Variants in KAZN observed in about 807,000 individuals in gnomAD.
KAZN encodes kazrin, periplakin interacting protein, also known as kazrin.
KAZN carries 40 observed loss-of-function variants against 87.4 expected under a neutral mutation model. That is an observed-to-expected ratio of 0.46 (90% confidence interval 0.36 to 0.60). The LOEUF (loss-of-function observed/expected upper bound fraction) is 0.60. Ranked by LOEUF, KAZN falls within the 20% of genes least tolerant of loss-of-function variation. The pLI, the probability that KAZN is intolerant of heterozygous loss-of-function variation, is 0.00. For missense variants in KAZN, 898 were observed against 1,073.9 expected (o/e 0.84, Z 2.29); for synonymous variants, 466 against 458.3 (o/e 1.02, Z -0.22).
chr1:14,329,360 A>G (rs910153371), intron 2 of KAZN, among the ~76,000 whole-genome samples: 1 of 152,204 alleles, frequency 6.6e-6, no homozygotes, highest in African/African-American at 2.4e-5. Context: ...ACATAAACAG[A>G]GAGTGTGGGC....
chr1:14,728,434 G>A (rs1643522199), intron 1 of KAZN, among the ~76,000 whole-genome samples: 1 of 151,934 alleles, frequency 6.6e-6, no homozygotes, highest in Non-Finnish European at 1.5e-5. Context: ...CTCACCTCCT[G>A]CTGCCCAGTT....
At chr1:14,157,859 T>A (rs1645628283) in intron 1 of KAZN, among the ~76,000 whole-genome samples, 1 of 152,124 alleles carries the variant, frequency 6.6e-6, no homozygotes, top group Non-Finnish European at 1.5e-5. Context: ...GCAAGGCATG[T>A]CTTACATGGC....
chr1:14,740,217 G>A (rs568336285), intron 1 of KAZN, among the ~76,000 whole-genome samples: 2 of 152,172 alleles, frequency 1.3e-5, no homozygotes, highest in Non-Finnish European at 2.9e-5. Flanking sequence ...GGAACCAACC[G>A]TGGTATGACA....
intron 1 of KAZN, among the ~76,000 whole-genome samples, chr1:14,162,210 T>C (rs1645724397): frequency 6.6e-6 from 1 of 152,238 alleles, no homozygotes. Context: ...TGCTTTTTGC[T>C]GGTAGAACTC....
chr1:14,550,739 C>CTCT (rs1480745409), intron 2 of KAZN, among the ~76,000 whole-genome samples: 1,529 of 69,338 alleles, frequency 0.022, 21 homozygotes, highest in Non-Finnish European at 0.036. Context: ...CTCTCTCTCT[C>CTCT]CCCCACCCCG....
intron 1 of KAZN, among the ~76,000 whole-genome samples, chr1:14,092,540 T>C (rs1240733345): frequency 7.7e-6 from 1 of 130,110 alleles, no homozygotes; most frequent in African/African-American, 2.5e-5. Flanking sequence ...GGTATGTATG[T>C]ACATATATGT....
chr1:14,226,964 G>T (rs1421552325), intron 2 of KAZN, among the ~76,000 whole-genome samples: 1 of 152,078 alleles, frequency 6.6e-6, no homozygotes, highest in Non-Finnish European at 1.5e-5. Flanking sequence ...GATAACCTAG[G>T]TGACAAAATT....
At chr1:14,392,791 A>G (rs1410843223) in intron 2 of KAZN, among the ~76,000 whole-genome samples, 2 of 152,136 alleles carry the variant, frequency 1.3e-5, no homozygotes, top group Admixed American at 6.5e-5. Flanking sequence ...AAGAATTGCT[A>G]GTTTAGCCCA....
chr1:14,121,305 G>T (rs1036745870), intron 1 of KAZN, among the ~76,000 whole-genome samples: 1 of 152,112 alleles, frequency 6.6e-6, no homozygotes, highest in Non-Finnish European at 1.5e-5. Flanking sequence ...TCATCACTAC[G>T]GTGAATGAAG....
chr1:14,763,321 CTG>C (rs1407437274), intron 1 of KAZN, among the ~76,000 whole-genome samples: 1 of 152,222 alleles, frequency 6.6e-6, no homozygotes, highest in African/African-American at 2.4e-5. Context: ...TCCTCTTTCA[CTG>C]TGTGTATGGT....
chr1:14,771,547 T>G (rs12133138), intron 1 of KAZN, among the ~76,000 whole-genome samples: 28,679 of 152,024 alleles, frequency 0.19, 2,932 homozygotes, highest in South Asian at 0.3. Flanking sequence ...AGGATAGGCC[T>G]GGGCGAGGTG....
At chr1:14,388,201 T>C (rs1399017054) in intron 2 of KAZN, among the ~76,000 whole-genome samples, 1 of 152,174 alleles carries the variant, frequency 6.6e-6, no homozygotes. Context: ...CCCCCTGACC[T>C]GCGCCCACTG....
intron 2 of KAZN, among the ~76,000 whole-genome samples, chr1:14,407,456 G>A (rs1237122085): frequency 6.6e-6 from 1 of 152,134 alleles, no homozygotes; most frequent in African/African-American, 2.4e-5. Context: ...GGAAAAAGAG[G>A]GATATGAAGT....
At chr1:14,984,141 CA>C (rs1666538009) in intron 2 of KAZN, among the ~76,000 whole-genome samples, 2 of 151,750 alleles carry the variant, frequency 1.3e-5, no homozygotes, top group African/African-American at 4.8e-5. Context: ...CCGAGGCAGG[CA>C]GATCACTTGA....
At chr1:14,031,141 T>C (rs1641311533) in intron 1 of KAZN, among the ~76,000 whole-genome samples, 1 of 152,236 alleles carries the variant, frequency 6.6e-6, no homozygotes, top group Non-Finnish European at 1.5e-5. Flanking sequence ...GACTGTTATT[T>C]ACTTATAAGC....
At chr1:14,422,759 G>T (rs1665506976) in intron 2 of KAZN, among the ~76,000 whole-genome samples, 1 of 152,230 alleles carries the variant, frequency 6.6e-6, no homozygotes, top group South Asian at 2.1e-4. Context: ...GGGTTTCTAA[G>T]AGATGGCAGC....
chr1:13,907,982 C>A (rs1639510022), intron 1 of KAZN, among the ~76,000 whole-genome samples: 1 of 152,160 alleles, frequency 6.6e-6, no homozygotes, highest in African/African-American at 2.4e-5. Context: ...TACTGGTGCA[C>A]AAATTTATAA....
At chr1:14,569,776 G>A (rs997981415) in intron 2 of KAZN, among the ~76,000 whole-genome samples, 1 of 152,030 alleles carries the variant, frequency 6.6e-6, no homozygotes, top group African/African-American at 2.4e-5. Context: ...CAGAGGGGTG[G>A]GACCAGTTAG....
chr1:14,489,775 A>G (rs75429775), intron 2 of KAZN, among the ~76,000 whole-genome samples: 1 of 133,050 alleles, frequency 7.5e-6, no homozygotes, highest in Non-Finnish European at 1.7e-5. Context: ...ATAATAATGA[A>G]TACACTGTTT....
Sources: gnomAD v4.1 joint callset for allele counts (sites outside exome capture counted in the v4.1 genomes callset) on GRCh38, gnomAD v4.1.1 for gene constraint, MANE v1.5 for transcripts, NCBI Gene and HGNC (gene_info 2026-07-23, HGNC 2026-07-21) for gene names.